BTBD9: variants seen among roughly 807,000 people sequenced by gnomAD.
BTBD9 encodes the protein BTB domain containing 9.
Under a neutral mutation model 64.3 loss-of-function variants are expected in BTBD9, and 49 were observed. The observed-to-expected ratio is 0.76, with a 90% CI of 0.61 to 0.97. BTBD9 has a LOEUF of 0.97. Among genes scored for constraint, BTBD9 ranks in the 50% least tolerant of loss-of-function variants. The pLI is 0.00. For synonymous variants in BTBD9, 260 were observed against 274.7 expected (o/e 0.95, Z 0.53); for missense variants, 598 against 762.1 (o/e 0.78, Z 2.53).
chr6:38,208,029 G>A (rs542143893), intron 9 of BTBD9, among the ~76,000 whole-genome samples: 1 of 152,196 alleles, frequency 6.6e-6, no homozygotes, highest in Non-Finnish European at 1.5e-5. Context: ...AAAGGGAGCA[G>A]AGCCTATGGT....
intron 1 of BTBD9, among the ~76,000 whole-genome samples, chr6:38,619,993 G>A (rs774088936): frequency 2.6e-5 from 4 of 152,094 alleles, no homozygotes; most frequent in African/African-American, 7.2e-5. Flanking sequence ...CCTGAAATCC[G>A]GGCATTGGAA....
At chr6:38,286,455 G>A (rs1000379206) in intron 8 of BTBD9, among the ~76,000 whole-genome samples, 1 of 152,196 alleles carries the variant, frequency 6.6e-6, no homozygotes, top group Non-Finnish European at 1.5e-5. Context: ...GGGAAAGGCA[G>A]TCATGTCTTG....
At chr6:38,255,463 A>G (rs2127534271) in intron 9 of BTBD9, among the ~76,000 whole-genome samples, 1 of 152,320 alleles carries the variant, frequency 6.6e-6, no homozygotes, top group Middle Eastern at 3.4e-3. Context: ...TAAAAAGAGA[A>G]ACGCATTTGC....
chr6:38,488,342 G>T (rs905524271), intron 6 of BTBD9, among the ~76,000 whole-genome samples: 2 of 152,028 alleles, frequency 1.3e-5, no homozygotes, highest in Non-Finnish European at 2.9e-5. Flanking sequence ...GCATCAATGA[G>T]ATGATATTAG....
chr6:38,634,215 T>G (rs760099725), intron 1 of BTBD9, among the ~76,000 whole-genome samples: 1 of 152,244 alleles, frequency 6.6e-6, no homozygotes, highest in Admixed American at 6.5e-5. Context: ...GCACAGCTAC[T>G]GTTTTATTTC....
chr6:38,431,616 C>A (rs74746447), intron 6 of BTBD9, among the ~76,000 whole-genome samples: 5,480 of 150,406 alleles, frequency 0.036, 430 homozygotes, highest in African/African-American at 0.13. Context: ...CTCTCCTAAT[C>A]TCTATCTACT....
At chr6:38,264,335 A>G (rs996471140) in intron 8 of BTBD9, among the ~76,000 whole-genome samples, 3 of 152,186 alleles carry the variant, frequency 2.0e-5, no homozygotes, top group African/African-American at 7.2e-5. Flanking sequence ...CAGAGATGGT[A>G]GACTAATGTT....
intron 9 of BTBD9, among the ~76,000 whole-genome samples, chr6:38,223,210 A>G (rs1410073765): frequency 6.6e-6 from 1 of 152,170 alleles, no homozygotes. Context: ...CCCGGCCTAG[A>G]GGAAGATTTT....
chr6:38,349,910 A>C (rs228186), intron 6 of BTBD9, among the ~76,000 whole-genome samples: 1 of 151,960 alleles, frequency 6.6e-6, no homozygotes, highest in Non-Finnish European at 1.5e-5. Flanking sequence ...TTTAATCCTC[A>C]AGCCTTTAAA....
chr6:38,337,446 T>C (rs1056722551), intron 7 of BTBD9, among the ~76,000 whole-genome samples: 4 of 152,238 alleles, frequency 2.6e-5, no homozygotes, highest in Admixed American at 1.3e-4. Flanking sequence ...GAAACGGTAT[T>C]ATTGCTATGT....
chr6:38,345,756 G>A (rs1177385389), intron 6 of BTBD9, among the ~76,000 whole-genome samples: 2 of 152,218 alleles, frequency 1.3e-5, no homozygotes, highest in Non-Finnish European at 2.9e-5. Flanking sequence ...TCCTGGCCAC[G>A]TGAATCTGGC....
chr6:38,480,634 C>T (rs140097717), intron 6 of BTBD9, among the ~76,000 whole-genome samples: 1 of 152,176 alleles, frequency 6.6e-6, no homozygotes, highest in Non-Finnish European at 1.5e-5. Flanking sequence ...TGTAGCTCAG[C>T]TATAGAACAC....
intron 6 of BTBD9, among the ~76,000 whole-genome samples, chr6:38,347,297 G>A (rs1764318976): frequency 6.6e-6 from 1 of 152,044 alleles, no homozygotes; most frequent in African/African-American, 2.4e-5. Context: ...ATATATGGTG[G>A]GAAAAGCATT....
At chr6:38,531,616 C>G (rs1441564038) in intron 6 of BTBD9, among the ~76,000 whole-genome samples, 1 of 151,966 alleles carries the variant, frequency 6.6e-6, no homozygotes, top group African/African-American at 2.4e-5. Context: ...ATGAACTGAT[C>G]AAAAATAGAA....
chr6:38,541,838 A>G (rs1185489310), intron 6 of BTBD9, among the ~76,000 whole-genome samples: 1 of 152,222 alleles, frequency 6.6e-6, no homozygotes, highest in African/African-American at 2.4e-5. Flanking sequence ...CTGCTTCTAG[A>G]AAGTTTAATA....
chr6:38,266,341 G>A (rs565308726), intron 8 of BTBD9, among the ~76,000 whole-genome samples: 12 of 152,248 alleles, frequency 7.9e-5, no homozygotes, highest in African/African-American at 2.6e-4. Context: ...AGGAGGCTGA[G>A]GTGGGTGGAT....
At chr6:38,306,994 C>G (rs1044396966) in intron 7 of BTBD9, among the ~76,000 whole-genome samples, 1 of 151,090 alleles carries the variant, frequency 6.6e-6, no homozygotes, top group African/African-American at 2.5e-5. Context: ...TCTCTATTGC[C>G]AAGATTTTCA....
rs964462672 is a variant in BTBD9, at chr6:38,596,039, G to T, written c.186-1712C>A. The T allele has an allele frequency of 3.0e-6, 3 of 985,292 alleles. No homozygotes were observed. The South Asian group carries it at 1.4e-4, about 46-fold the overall frequency. The allele number at this position is 985,292 out of a possible 1,614,324, so 61.0% of individuals were successfully genotyped here. A position where few individuals can be genotyped will look rare whatever the true frequency, so the allele number is the denominator to read the frequency against. On this transcript the variant is annotated intron_variant, in intron 2 of 10. Coordinates refer to ENST00000481247, the MANE Select transcript of BTBD9 (RefSeq NM_001099272.2). ...AGCACAGAGGTTCAATGTTTACTATGAAGTTTCCTCCTATACAATTCCTTA... is the reference window on the plus strand; with the variant it reads ...AGCACAGAGGTTCAATGTTTACTATTAAGTTTCCTCCTATACAATTCCTTA...
chr6:38,621,757 G>A (rs1375457145), intron 1 of BTBD9, among the ~76,000 whole-genome samples: 1 of 152,190 alleles, frequency 6.6e-6, no homozygotes, highest in Admixed American at 6.5e-5. Context: ...AAAACCCAAG[G>A]AGGTGGCAGT....
Sources: allele counts gnomAD v4.1 joint callset (sites outside exome capture counted in the v4.1 genomes callset), GRCh38; gene constraint gnomAD v4.1.1; transcripts MANE v1.5; gene names NCBI Gene and HGNC (gene_info 2026-07-23, HGNC 2026-07-21).